Variants in EFCAB6 observed in about 807,000 individuals in gnomAD.
The protein encoded by EFCAB6 is EF-hand calcium binding domain 6.
Under a neutral mutation model 169.8 loss-of-function variants are expected in EFCAB6, and 156 were observed. The observed-to-expected ratio is 0.92, with a 90% confidence interval of 0.81 to 1.05. EFCAB6 has a LOEUF of 1.05. Ranked by LOEUF, EFCAB6 falls within the 50% of genes least tolerant of loss-of-function variation. The pLI, the probability that EFCAB6 is intolerant of heterozygous loss-of-function variation, is 0.00. For synonymous variants in EFCAB6, 698 were observed against 676.4 expected (o/e 1.03, Z -0.50); for missense variants, 1,800 against 1,829.1 (o/e 0.98, Z 0.29).
intron 20 of EFCAB6, among the ~76,000 whole-genome samples, chr22:43,626,245 AC>A (rs1299264125): frequency 2.0e-5 from 3 of 152,254 alleles, no homozygotes; most frequent in African/African-American, 7.2e-5. Flanking sequence ...AATGATGCTC[AC>A]AGGTGGTAAG....
Position 43,590,177 on chromosome 22 carries a change from C to G in EFCAB6, c.2929G>C (p.Asp977His). 6.2e-7 allele frequency: 1 copy of G among 1,614,106 alleles called. No individual in the cohort carries two copies. The highest frequency in any genetic ancestry group is 8.5e-7 in the Non-Finnish European group (1 of 1,180,004). The change falls in exon 24 of 32, where the codon GAT (aspartate) becomes CAT (histidine). Residue 977 changes from aspartate to histidine, a missense_variant. By Grantham distance (81) the Asp-to-His change is moderately conservative. Transcript: ENST00000262726. ...GATATGTAGTTGGTTTTGGATTGAT[C>G]AGTTTTGGTGAATGCTTTGCTGATA... ...QDISKAFTKTDQSKTNYISIC... is the reference protein window; with the variant it reads ...QDISKAFTKTHQSKTNYISIC...
rs150711692 is a variant in EFCAB6, at chr22:43,628,110, C to CAG, written c.2233-1433_2233-1432dup. 6.8e-3 allele frequency among the ~76,000 whole-genome samples: 1,038 copies of CAG among 152,162 alleles called. 7 individuals are homozygous for CAG. The highest frequency in any genetic ancestry group is 0.017 in the South Asian group (81 of 4,816). On this transcript the variant is annotated intron_variant, in intron 19 of 31. Transcript: ENST00000262726. The surrounding 1 kb of genome is among the most constrained non-coding windows in gnomAD (Gnocchi z 4.8). ...CCCCTGACCCACAGCCTCACATCTCCAGTGGTCTGGGGGCATTTTCTCTGG... is the reference window on the plus strand; with the variant it reads ...CCCCTGACCCACAGCCTCACATCTCCAGAGTGGTCTGGGGGCATTTTCTCTGG...
intron 1 of EFCAB6, among the ~76,000 whole-genome samples, chr22:43,811,204 C>T (rs1364519132): frequency 6.7e-6 from 1 of 149,342 alleles, no homozygotes; most frequent in Non-Finnish European, 1.5e-5. Context: ...CGCTTGAACC[C>T]GGGAGGTGGA....
chr22:43,649,027 C>T (rs192326893), intron 17 of EFCAB6, among the ~76,000 whole-genome samples: 105 of 151,174 alleles, frequency 6.9e-4, no homozygotes, highest in Middle Eastern at 3.4e-3. Flanking sequence ...TTGGTGCAAA[C>T]GAGCCAATGC....
rs183913011 is a variant in EFCAB6, at chr22:43,537,186, C to T, written c.4048+191G>A. 20 of 608,088 alleles carry T rather than the reference C, an allele frequency of 3.3e-5. No individual in the cohort carries two copies. The highest frequency in any genetic ancestry group is 1.1e-4 in the South Asian group (4 of 35,482). 37.7% of individuals were successfully genotyped at this position (608,088 alleles called of 1,614,324 possible). A position where few individuals can be genotyped will look rare whatever the true frequency, so the allele number is the denominator to read the frequency against. Reference sequence around the variant, plus strand: ...CAGATGGGCCCCCTGCTGGGAGGGCCGGGTAGTCGGAATCCTCCTCCATGG... The same window carrying T: ...CAGATGGGCCCCCTGCTGGGAGGGCTGGGTAGTCGGAATCCTCCTCCATGG... On this transcript the variant is annotated intron_variant, in intron 29 of 31. Transcript: ENST00000262726. The surrounding 1 kb of genome is among the most constrained non-coding windows in gnomAD (Gnocchi z 4.3).
intron 27 of EFCAB6, chr22:43,553,391 G>A (rs1193272561): frequency 1.3e-5 from 2 of 152,292 alleles, no homozygotes; most frequent in Non-Finnish European, 2.9e-5. Flanking sequence ...GAGAACTAGA[G>A]AGGGCTTGTA....
chr22:43,703,943 A>G (rs937467334), intron 10 of EFCAB6, among the ~76,000 whole-genome samples: 1 of 152,184 alleles, frequency 6.6e-6, no homozygotes, highest in Non-Finnish European at 1.5e-5. Flanking sequence ...CCTAGAAAGC[A>G]TATTTAAAGA....
intron 20 of EFCAB6, among the ~76,000 whole-genome samples, chr22:43,621,242 C>T (rs775049963): frequency 6.7e-6 from 1 of 148,840 alleles, no homozygotes; most frequent in Non-Finnish European, 1.5e-5. Context: ...GCACCCACCA[C>T]CACACCTGGC....
rs529832366 is a variant in EFCAB6 at position 43,632,696 on chromosome 22, G to T, written c.2099-458C>A. On this transcript the variant is annotated intron_variant, in intron 18 of 31. Coordinates refer to ENST00000262726, the MANE Select transcript of EFCAB6 (RefSeq NM_022785.4). ...CCTCCTGTGAGTTGAACACAGCATT[G>T]ATTTTCTTACTATCTAGTTTCTTTT... 3.3e-5 allele frequency among the ~76,000 whole-genome samples: 5 copies of T among 152,200 alleles called. No homozygotes were observed. In the South Asian group the frequency reaches 1.0e-3, roughly 32 times the overall value.
chr22:43,651,256 C>A (rs1200998537), intron 17 of EFCAB6, among the ~76,000 whole-genome samples: 2 of 152,186 alleles, frequency 1.3e-5, no homozygotes, highest in Non-Finnish European at 1.5e-5. Flanking sequence ...GGACTTGGTG[C>A]CCTGCATCCC....
In EFCAB6 at chr22:43,555,089, T is replaced by A; in HGVS notation, c.3428A>T (p.Asp1143Val). 1 of 1,614,184 alleles carries A rather than the reference T, an allele frequency of 6.2e-7. No homozygotes were observed. Among genetic ancestry groups the A allele is most frequent in the Non-Finnish European group, 8.5e-7 (1 of 1,180,014 alleles). ...TTTGGGCATTTTCTCAGCCCACTCA[T>A]CAGCTGTCTGGACAAAATAGAATGG... ...NFSCFLEETA[D>V]EWAEKMPKGP... The change falls in exon 27 of 32, where the codon GAT becomes GTT. Residue 1143 changes from aspartate to valine, a missense_variant. Physicochemically the swap from Asp to Val is radical, Grantham distance 152. Coordinates refer to ENST00000262726, the MANE Select transcript of EFCAB6 (RefSeq NM_022785.4).
At chr22:43,561,653 T>A (rs1191862188) in intron 26 of EFCAB6, among the ~76,000 whole-genome samples, 2 of 152,146 alleles carry the variant, frequency 1.3e-5, no homozygotes, top group Non-Finnish European at 2.9e-5. Context: ...TTTCACTTTT[T>A]AGCAAAGCTG....
At chr22:43,646,799 T>G (rs2056185909) in intron 17 of EFCAB6, among the ~76,000 whole-genome samples, 7 of 152,254 alleles carry the variant, frequency 4.6e-5, no homozygotes. Flanking sequence ...TAGCATATAT[T>G]AAACTTTTTT....
At position 43,735,712 on chromosome 22, in the gene EFCAB6, G is replaced by C. The variant is rs910208240; in HGVS notation, c.644+145C>G. 4 of 985,030 alleles carry C rather than the reference G, an allele frequency of 4.1e-6. No homozygotes were observed. In the Admixed American group the frequency reaches 9.8e-5, roughly 24 times the overall value. The allele number at this position is 985,030 out of a possible 1,614,324, so 61.0% of individuals were successfully genotyped here. A position where few individuals can be genotyped will look rare whatever the true frequency, so the allele number is the denominator to read the frequency against. ...CTTTAGGAACATGAGAGAATGTCCA[G>C]TGAGTGCCTCTTTGAGAAATAAGGT... On this transcript the variant is annotated intron_variant, in intron 7 of 31. Transcript: ENST00000262726.
chr22:43,632,196 G>A lies in EFCAB6; in HGVS notation c.2141C>T (p.Pro714Leu). The change falls in exon 19 of 32, where the codon CCA (proline) becomes CTA (leucine). Residue 714 changes from proline (P) to leucine (L), a missense_variant. Physicochemically the swap from Pro to Leu is moderately conservative, Grantham distance 98. Coordinates refer to ENST00000262726, the MANE Select transcript of EFCAB6 (RefSeq NM_022785.4). ...RGPETTPPQP[P>L]TPSKSYVNSH... ...GTTCACGTAACTTTTTGAAGGAGTTGGAGGCTGCGGCGGAGTGGTTTCCGG... is the reference window on the plus strand; with the variant it reads ...GTTCACGTAACTTTTTGAAGGAGTTAGAGGCTGCGGCGGAGTGGTTTCCGG... 2 of 1,614,114 alleles carry A rather than the reference G, an allele frequency of 1.2e-6. No homozygotes were observed. The highest frequency in any genetic ancestry group is 8.5e-7 in the Non-Finnish European group (1 of 1,180,000).
intron 12 of EFCAB6, among the ~76,000 whole-genome samples, chr22:43,682,918 G>GAGGC (rs2058060315): frequency 6.6e-6 from 1 of 152,222 alleles, no homozygotes; most frequent in African/African-American, 2.4e-5. Context: ...TAGTGCGGCA[G>GAGGC]AGGCAGGCGC....
At chr22:43,563,717 C>T (rs1437136042) in intron 26 of EFCAB6, among the ~76,000 whole-genome samples, 1 of 152,232 alleles carries the variant, frequency 6.6e-6, no homozygotes, top group Admixed American at 6.5e-5. Context: ...GGAACTCAGA[C>T]AGACGTGGGT....
rs539547270 is a variant in EFCAB6 at position 43,635,670 on chromosome 22, G to C, written c.1984-454C>G. Among the ~76,000 whole-genome samples the C allele has an allele frequency of 9.2e-5, 14 of 152,314 alleles. No individual in the cohort carries two copies. The South Asian group carries it at 2.3e-3, about 25-fold the overall frequency. ...ATTATGCTCCCAGTTTACATGAAAA[G>C]CGGCTGTGTTTTTTTAAATGGGGGT... On this transcript the variant is annotated intron_variant, in intron 17 of 31. Transcript: ENST00000262726.
Position 43,572,011 on chromosome 22 carries a change from G to A in EFCAB6, c.3420+4286C>T, listed in dbSNP as rs991959309. Among the ~76,000 whole-genome samples the A allele has an allele frequency of 1.3e-5, 2 of 152,184 alleles. No individual in the cohort carries two copies. ...GCCAATTTAGGGGGTTGATCCCATT[G>A]AATTCCCAGAAAACAGATCGCACAC... On this transcript the variant is annotated intron_variant, in intron 26 of 31. Coordinates refer to ENST00000262726, the MANE Select transcript of EFCAB6 (RefSeq NM_022785.4). This position sits in a 1 kb window ranked among gnomAD's most constrained non-coding sequence, Gnocchi z 4.0.
Sources: allele counts gnomAD v4.1 joint callset (sites outside exome capture counted in the v4.1 genomes callset), GRCh38; gene constraint gnomAD v4.1.1; non-coding constraint Gnocchi (gnomAD v3.1); transcripts MANE v1.5; gene names NCBI Gene and HGNC (gene_info 2026-07-23, HGNC 2026-07-21).